The following XKR5 variants were observed in gnomAD, a reference collection of about 807,000 sequenced individuals.
XKR5 encodes the protein XK-related protein 5.
Under a neutral mutation model 40.8 loss-of-function variants are expected in XKR5, and 46 were observed. The ratio of observed to expected loss-of-function variants is 1.13; its 90% CI spans 0.89 to 1.44. XKR5 has a LOEUF of 1.44. Ranked by LOEUF, XKR5 falls within the 40% of genes most tolerant of loss-of-function variation. The pLI, the probability that XKR5 is intolerant of heterozygous loss-of-function variation, is 0.00. For synonymous variants in XKR5, 466 were observed against 356.1 expected, an observed-to-expected ratio of 1.31 and a Z score of -3.48; for missense variants, 1,169 against 844.7, an observed-to-expected ratio of 1.38 and a Z score of -4.76.
chr8:6,832,744 T>G lies in XKR5; in HGVS notation c.215A>C (p.His72Pro), dbSNP rs879214178. Residue 72 changes from histidine to proline, a missense_variant, in exon 2 of 7, where the codon CAC becomes CCC. Physicochemically the swap from His to Pro is moderately conservative, Grantham distance 77 (BLOSUM62 -2). Transcript: ENST00000618742. ...CTTCCAAACACCAAGCTGTAGGAGG[T>G]GCAGCATCATCAAGGAGCAATGCCC... ...HPGHCSLMMLHLLQLGVWKRH... is the reference protein window; with the variant it reads ...HPGHCSLMMLPLLQLGVWKRH... 2.5e-6 allele frequency: 4 copies of G among 1,613,054 alleles called. No individual in the cohort carries two copies. Among genetic ancestry groups the G allele is most frequent in the Non-Finnish European group, 3.4e-6 (4 of 1,179,606 alleles).
At chr8:6,818,241 C>T (rs987391807) in intron 5 of XKR5, among the ~76,000 whole-genome samples, 9 of 152,184 alleles carry the variant, frequency 5.9e-5, no homozygotes, top group African/African-American at 2.2e-4. Context: ...TTGCCTGAAA[C>T]GTTCTAGCGC....
At chr8:6,814,941 AG>A (rs544170921) in intron 6 of XKR5, among the ~76,000 whole-genome samples, 191 of 152,352 alleles carry the variant, frequency 1.3e-3, no homozygotes, top group African/African-American at 4.1e-3. Flanking sequence ...GAGCAAGAAA[AG>A]AACCCGAGGC....
chr8:6,826,607 G>T (rs1303757949), intron 2 of XKR5, among the ~76,000 whole-genome samples: 4 of 152,132 alleles, frequency 2.6e-5, no homozygotes, highest in Non-Finnish European at 4.4e-5. Context: ...GAGGAGTGCT[G>T]GATTGGCCAC....
intron 1 of XKR5, among the ~76,000 whole-genome samples, chr8:6,834,672 C>G (rs185073034): frequency 6.6e-6 from 1 of 151,678 alleles, no homozygotes; most frequent in Non-Finnish European, 1.5e-5. Context: ...AGGGTACCCC[C>G]TCTTCCACCC....
rs773525012 is a variant in XKR5 at position 6,832,694 on chromosome 8, G to A, written c.242+23C>T. 68 of 1,611,862 alleles carry A rather than the reference G, an allele frequency of 4.2e-5. No homozygotes were observed. In the South Asian group the frequency reaches 6.6e-4, roughly 16 times the overall value. On this transcript the variant is annotated intron_variant, in intron 2 of 6. Transcript: ENST00000618742. ...GCACTTGTGCAATTGTGCTCCAGAGGTGAAAGAGGCAGCTGTTCTTACCGC... is the reference window on the plus strand; with the variant it reads ...GCACTTGTGCAATTGTGCTCCAGAGATGAAAGAGGCAGCTGTTCTTACCGC...
rs1480238163 is a variant in XKR5 at position 6,823,749 on chromosome 8, G to A, written c.428-19C>T. ...CTCACCCCTGAAAGGGAAGCAGAAAGATGTGGTATGCTCTGAAGATTCCGA... is the reference window on the plus strand; with the variant it reads ...CTCACCCCTGAAAGGGAAGCAGAAAAATGTGGTATGCTCTGAAGATTCCGA... On this transcript the variant is annotated intron_variant, in intron 3 of 6. Coordinates refer to ENST00000618742, the MANE Select transcript of XKR5 (RefSeq NM_207411.5). 3.9e-6 allele frequency: 6 copies of A among 1,544,346 alleles called. No individual in the cohort carries two copies. Among genetic ancestry groups the A allele is most frequent in the Admixed American group, 1.9e-5 (1 of 51,574 alleles).
At chr8:6,834,707 T>G (rs1319043104) in intron 1 of XKR5, among the ~76,000 whole-genome samples, 1 of 146,508 alleles carries the variant, frequency 6.8e-6, no homozygotes, top group Admixed American at 6.7e-5. Flanking sequence ...GGGAAAAAGC[T>G]TCCGCAGGGA....
At chr8:6,833,289 G>C (rs116899425) in intron 1 of XKR5, among the ~76,000 whole-genome samples, 1 of 152,198 alleles carries the variant, frequency 6.6e-6, no homozygotes, top group African/African-American at 2.4e-5. Flanking sequence ...CTAGCAAAGC[G>C]TCTGGCCTCA....
At chr8:6,831,107 C>G (rs992997837) in intron 2 of XKR5, among the ~76,000 whole-genome samples, 3 of 152,194 alleles carry the variant, frequency 2.0e-5, no homozygotes, top group Non-Finnish European at 1.5e-5. Flanking sequence ...GGCCTCTGTC[C>G]TCGAGGGCTC....
chr8:6,824,418 T>C (rs552642031), intron 3 of XKR5, among the ~76,000 whole-genome samples: 1 of 152,028 alleles, frequency 6.6e-6, no homozygotes, highest in East Asian at 1.9e-4. Flanking sequence ...ATAATGAGAA[T>C]GTGAATGGCC....
rs1804260963 is a variant in XKR5 at position 6,822,011 on chromosome 8, C to CA, written c.664dup (p.Trp222LeufsTer8). On this transcript the variant is annotated frameshift_variant, in exon 5 of 7. Transcript: ENST00000618742. LOFTEE classifies it high-confidence loss of function. ...GATGTCACTCTGCTGGGCGACAAGC[C>CA]AGAATGTCATCACCAGCCAGTGGGC... 6.2e-7 allele frequency: 1 copy of CA among 1,606,070 alleles called. No individual in the cohort carries two copies. Among genetic ancestry groups the CA allele is most frequent in the Non-Finnish European group, 8.5e-7 (1 of 1,176,576 alleles).
Position 6,811,994 on chromosome 8 carries a change from G to T in XKR5, c.1265C>A (p.Ala422Asp). ...LKTGNVSKIN[A>D]AFGDNSPAYC... ...GGCAGGACTGTTATCTCCAAAGGCG[G>T]CATTGATCTTAGACACATTTCCTGT... The change falls in exon 7 of 7, where the codon GCC (alanine) becomes GAC (aspartate). Residue 422 changes from alanine to aspartate, a missense_variant. Coordinates refer to ENST00000618742, the MANE Select transcript of XKR5 (RefSeq NM_207411.5). 17 of 1,537,328 alleles carry T rather than the reference G, an allele frequency of 1.1e-5. No individual in the cohort carries two copies. Among genetic ancestry groups the T allele is most frequent in the Non-Finnish European group, 1.5e-5 (17 of 1,146,932 alleles).
intron 6 of XKR5, 39 bp from the exon 7 acceptor site, chr8:6,812,378 G>A: frequency 6.7e-7 from 1 of 1,495,010 alleles, no homozygotes. Flanking sequence ...TATGTTCTTT[G>A]AAGTCTGCAT....
At chr8:6,831,880 T>C (rs1238322048) in intron 2 of XKR5, among the ~76,000 whole-genome samples, 1 of 151,984 alleles carries the variant, frequency 6.6e-6, no homozygotes, top group Non-Finnish European at 1.5e-5. Context: ...CCGGGCATGG[T>C]GGCACGTGCC....
At position 6,831,652 on chromosome 8, in the gene XKR5, TG is replaced by T. The variant is rs199897536; in HGVS notation, c.242+1064del. ...CCTTGAACACCTTTCCAACCCTCAG[TG>T]CCTATGATTTAATGAACACTTGAGC... is the stretch of plus-strand genomic sequence containing the variant. On this transcript the variant is annotated intron_variant, in intron 2 of 6. Transcript: ENST00000618742. Among the ~76,000 whole-genome samples the T allele has an allele frequency of 8.0e-3, 1,210 of 151,970 alleles. 18 individuals are homozygous for T. The highest frequency in any genetic ancestry group is 0.026 in the African/African-American group (1,098 of 41,446).
chr8:6,816,653 T>A (rs1803969344), intron 5 of XKR5, among the ~76,000 whole-genome samples: 1 of 146,722 alleles, frequency 6.8e-6, no homozygotes, highest in Admixed American at 6.9e-5. Flanking sequence ...ATATTTTAAT[T>A]TATTTTTATT....
At chr8:6,812,712 C>T (rs963891780) in intron 6 of XKR5, among the ~76,000 whole-genome samples, 1 of 152,172 alleles carries the variant, frequency 6.6e-6, no homozygotes, top group African/African-American at 2.4e-5. Context: ...ATTCTACTTT[C>T]AAGTAACTGG....
chr8:6,825,460 C>A, intron 2 of XKR5, 111 bp from the exon 3 acceptor site: 1 of 1,067,112 alleles, frequency 9.4e-7, no homozygotes, highest in Non-Finnish European at 1.3e-6. Flanking sequence ...TATGCCCTTA[C>A]TAGTCACCTA....
At chr8:6,820,710 C>CTGAGGTTGG (rs1804192935) in intron 5 of XKR5, among the ~76,000 whole-genome samples, 1 of 152,204 alleles carries the variant, frequency 6.6e-6, no homozygotes, top group African/African-American at 2.4e-5. Flanking sequence ...GATGTGGACG[C>CTGAGGTTGG]TGAGGTTGGT....
Sources: allele counts gnomAD v4.1 joint callset (sites outside exome capture counted in the v4.1 genomes callset), GRCh38; gene constraint gnomAD v4.1.1; transcripts MANE v1.5; gene names NCBI Gene and HGNC (gene_info 2026-07-23, HGNC 2026-07-21).